Variants in KLHL3 observed in about 807,000 individuals in gnomAD.
KLHL3 encodes kelch like family member 3.
In KLHL3, 19 loss-of-function variants were observed where a neutral mutation model predicts 70.5. That is an observed-to-expected ratio of 0.27 (90% CI 0.19 to 0.40). The LOEUF (loss-of-function observed/expected upper bound fraction) is 0.40, where lower values mean the gene tolerates loss of function less well. Ranked by LOEUF, KLHL3 falls within the 10% of genes least tolerant of loss-of-function variation. The probability of loss-of-function intolerance (pLI) is 1.00; values close to 1 mark genes in which losing one functional copy is unlikely to be tolerated. For missense variants in KLHL3, 512 were observed against 771.1 expected (o/e 0.66, Z 3.98); for synonymous variants, 258 against 290.3 (o/e 0.89, Z 1.13).
chr5:137,647,367 GA>G (rs1353260913), intron 8 of KLHL3, among the ~76,000 whole-genome samples: 1 of 152,156 alleles, frequency 6.6e-6, no homozygotes, highest in Non-Finnish European at 1.5e-5. Flanking sequence ...ACTAGCCAGG[GA>G]AAGGGACAAT....
rs1580725062 is a variant in KLHL3, at chr5:137,639,813, G to A, written c.1021+47C>T. The A allele has an allele frequency of 7.0e-7, 1 of 1,423,712 alleles. No individual in the cohort carries two copies. The highest frequency in any genetic ancestry group is 9.9e-7 in the Non-Finnish European group (1 of 1,006,690). 88.2% of individuals were successfully genotyped at this position (1,423,712 alleles called of 1,614,324 possible). On this transcript the variant is annotated intron_variant, in intron 9 of 14. Coordinates refer to ENST00000309755, the MANE Select transcript of KLHL3 (RefSeq NM_017415.3). This position sits in a 1 kb window ranked among gnomAD's most constrained non-coding sequence, Gnocchi z 5.0. ...AGCTCACGACTTCTGGCACGGAGTG[G>A]GGACCAGCAGGGGAAAAACAGCTTG...
intron 1 of KLHL3, among the ~76,000 whole-genome samples, chr5:137,734,001 G>T (rs984395033): frequency 2.6e-5 from 4 of 152,188 alleles, no homozygotes; most frequent in African/African-American, 4.8e-5. Flanking sequence ...TGTGCAACCT[G>T]GTGTTCTAAA....
At chr5:137,649,318 G>T (rs897123625) in intron 8 of KLHL3, among the ~76,000 whole-genome samples, 3 of 152,200 alleles carry the variant, frequency 2.0e-5, no homozygotes, top group African/African-American at 7.2e-5. Context: ...AAACACTACA[G>T]CTTCTGTGTT....
chr5:137,640,007 G>T (rs1750872871), intron 8 of KLHL3, 30 bp from the exon 9 acceptor site: 16 of 1,585,050 alleles, frequency 1.0e-5, no homozygotes, highest in Non-Finnish European at 1.3e-5. Context: ...CGTTAGCGGG[G>T]TCACCCCAAA....
At chr5:137,655,476 T>C (rs1751313326) in intron 8 of KLHL3, among the ~76,000 whole-genome samples, 1 of 152,204 alleles carries the variant, frequency 6.6e-6, no homozygotes, top group Non-Finnish European at 1.5e-5. Context: ...GGACATTATT[T>C]AAATAATTTC....
At chr5:137,629,948 GC>G (rs1289926467) in intron 12 of KLHL3, 1 of 152,192 alleles carries the variant, frequency 6.6e-6, no homozygotes, top group Non-Finnish European at 1.5e-5. Context: ...AGGCAACTCT[GC>G]CTCTGCCCTA....
chr5:137,731,779 C>T (rs562860288), intron 1 of KLHL3, among the ~76,000 whole-genome samples: 1 of 152,308 alleles, frequency 6.6e-6, no homozygotes, highest in South Asian at 2.1e-4. Flanking sequence ...TTTTATGATG[C>T]TTCTTCCAAA....
chr5:137,639,828 A>T lies in KLHL3; in HGVS notation c.1021+32T>A. 6.4e-7 allele frequency: 1 copy of T among 1,562,778 alleles called. No homozygotes were observed. Among genetic ancestry groups the T allele is most frequent in the Non-Finnish European group, 8.8e-7 (1 of 1,133,272 alleles). The stretch of plus-strand genomic sequence containing the variant: ...GCACGGAGTGGGGACCAGCAGGGGA[A>T]AAACAGCTTGCAGAACTGGGAGGCT... On this transcript the variant is annotated intron_variant, in intron 9 of 14. Coordinates refer to ENST00000309755, the MANE Select transcript of KLHL3 (RefSeq NM_017415.3). This position sits in a 1 kb window ranked among gnomAD's most constrained non-coding sequence, Gnocchi z 5.0.
intron 2 of KLHL3, among the ~76,000 whole-genome samples, chr5:137,719,301 C>G (rs564132528): frequency 6.6e-6 from 1 of 152,376 alleles, no homozygotes; most frequent in East Asian, 1.9e-4. Context: ...CAGGGCCTAG[C>G]CAGTGCCTCT....
intron 2 of KLHL3, among the ~76,000 whole-genome samples, chr5:137,715,651 T>C (rs1299820580): frequency 6.6e-6 from 1 of 152,188 alleles, no homozygotes; most frequent in African/African-American, 2.4e-5. Context: ...TAGCACATCA[T>C]CATCATCATC....
chr5:137,665,713 G>T (rs1413483046), intron 6 of KLHL3, among the ~76,000 whole-genome samples: 1 of 152,146 alleles, frequency 6.6e-6, no homozygotes, highest in African/African-American at 2.4e-5. Context: ...AGGAAAAAAG[G>T]ACTCCAATTT....
intron 4 of KLHL3, 184 bp from the exon 5 acceptor site, chr5:137,692,631 A>G: frequency 5.1e-6 from 3 of 588,158 alleles, no homozygotes; most frequent in Non-Finnish European, 3.1e-6. Context: ...CACGGACCCT[A>G]AACACCAGCA....
At chr5:137,678,501 G>C (rs1751941839) in intron 5 of KLHL3, among the ~76,000 whole-genome samples, 2 of 152,086 alleles carry the variant, frequency 1.3e-5, no homozygotes, top group South Asian at 4.2e-4. Flanking sequence ...TTATGTTTTT[G>C]GGCCAATGGC....
At chr5:137,636,874 A>T (rs1750779546) in intron 11 of KLHL3, among the ~76,000 whole-genome samples, 1 of 152,218 alleles carries the variant, frequency 6.6e-6, no homozygotes. Flanking sequence ...CCTCACTCAC[A>T]GTTCTGTTAA....
chr5:137,703,139 C>T (rs560866233), intron 3 of KLHL3, among the ~76,000 whole-genome samples: 3 of 152,146 alleles, frequency 2.0e-5, no homozygotes, highest in Non-Finnish European at 4.4e-5. Flanking sequence ...GCTAAACCAC[C>T]GACCACCCCT....
At chr5:137,718,094 G>C (rs1301296640) in intron 2 of KLHL3, among the ~76,000 whole-genome samples, 1 of 152,198 alleles carries the variant, frequency 6.6e-6, no homozygotes, top group South Asian at 2.1e-4. Context: ...CCTCAGAGAG[G>C]GGTACAGTAT....
At chr5:137,681,016 A>C (rs1752012240) in intron 5 of KLHL3, among the ~76,000 whole-genome samples, 1 of 152,160 alleles carries the variant, frequency 6.6e-6, no homozygotes, top group South Asian at 2.1e-4. Flanking sequence ...TATTTAAAAA[A>C]AAAAATGTTA....
intron 1 of KLHL3, among the ~76,000 whole-genome samples, chr5:137,728,520 T>C (rs1270747691): frequency 6.6e-6 from 1 of 152,140 alleles, no homozygotes; most frequent in African/African-American, 2.4e-5. Flanking sequence ...GTCCCCTGCA[T>C]TGATGACACA....
chr5:137,720,403 T>A (rs1241602988), intron 2 of KLHL3, 62 bp downstream of exon 2: 15 of 1,603,446 alleles, frequency 9.4e-6, no homozygotes, highest in Middle Eastern at 1.7e-4. Flanking sequence ...CTGTTCTCAG[T>A]CCTTGATGAA....
Sources: gnomAD v4.1 joint callset for allele counts (sites outside exome capture counted in the v4.1 genomes callset) on GRCh38, gnomAD v4.1.1 for gene constraint, Gnocchi (gnomAD v3.1) non-coding constraint, MANE v1.5 for transcripts, NCBI Gene and HGNC (gene_info 2026-07-23, HGNC 2026-07-21) for gene names.